Variants in SLC30A9 observed in about 807,000 individuals in gnomAD.
The protein encoded by SLC30A9 is solute carrier family 30 member 9, also known as proton-coupled zinc antiporter SLC30A9, mitochondrial.
SLC30A9 carries 58 observed loss-of-function variants against 87.5 expected under a neutral mutation model. That is an observed-to-expected ratio of 0.66 (90% CI 0.54 to 0.82). The LOEUF (loss-of-function observed/expected upper bound fraction) is 0.82. SLC30A9 is among the 40% of genes least tolerant of loss of function. The probability of loss-of-function intolerance (pLI) is 0.00; values close to 1 mark genes in which losing one functional copy is unlikely to be tolerated. For missense variants in SLC30A9, 557 were observed against 679.1 expected, an observed-to-expected ratio of 0.82 and a Z score of 2.00; for synonymous variants, 234 against 233.0, an observed-to-expected ratio of 1.00 and a Z score of -0.04.
At chr4:42,060,495 T>A (rs1359890376) in intron 10 of SLC30A9, among the ~76,000 whole-genome samples, 1 of 152,190 alleles carries the variant, frequency 6.6e-6, no homozygotes, top group African/African-American at 2.4e-5. Context: ...TTCTCCATAT[T>A]TGATAATAAT....
intron 14 of SLC30A9, among the ~76,000 whole-genome samples, chr4:42,068,505 A>G (rs2153140408): frequency 6.6e-6 from 1 of 151,982 alleles, no homozygotes; most frequent in South Asian, 2.1e-4. Context: ...TTGGCCTCCC[A>G]AAGTGCTGGG....
chr4:42,033,078 T>A (rs1716515769), intron 6 of SLC30A9, among the ~76,000 whole-genome samples: 1 of 152,206 alleles, frequency 6.6e-6, no homozygotes, highest in African/African-American at 2.4e-5. Context: ...TTCTGTGTGT[T>A]AAAGTCACTT....
chr4:42,029,369 T>C, intron 6 of SLC30A9: 1 of 595,526 alleles, frequency 1.7e-6, no homozygotes, highest in Non-Finnish European at 3.3e-6. Context: ...ATCGGAATGA[T>C]CCAAGTGGTG....
chr4:42,044,629 C>A (rs1389406973), intron 8 of SLC30A9, among the ~76,000 whole-genome samples: 1 of 152,022 alleles, frequency 6.6e-6, no homozygotes, highest in Admixed American at 6.6e-5. Flanking sequence ...ACACTTTAAC[C>A]CCTCATTGTC....
In SLC30A9 at chr4:42,087,346, G is replaced by A. The variant is rs768288887; in HGVS notation, c.*1220G>A. ...CTTTAAAATGTTCAGGTAGCAGTGA[G>A]CATTGTTCATATGAGAATGGCGGCT... On this transcript the variant is annotated 3_prime_UTR_variant, in exon 18 of 18. Coordinates refer to ENST00000264451, the MANE Select transcript of SLC30A9 (RefSeq NM_006345.4). The A allele has an allele frequency of 9.2e-5, 14 of 152,186 alleles. No individual in the cohort carries two copies. Among genetic ancestry groups the A allele is most frequent in the Non-Finnish European group, 1.8e-4 (12 of 68,034 alleles). The allele number at this position is 152,186 out of a possible 1,614,324, so 9.4% of individuals were successfully genotyped here.
At chr4:42,075,011 G>A (rs1213837595) in intron 15 of SLC30A9, among the ~76,000 whole-genome samples, 1 of 108,682 alleles carries the variant, frequency 9.2e-6, no homozygotes, top group East Asian at 3.1e-4. Context: ...AATTGATTTA[G>A]AGTTAATGAA....
intron 6 of SLC30A9, among the ~76,000 whole-genome samples, chr4:42,033,940 T>A (rs987063984): frequency 1.1e-4 from 16 of 152,354 alleles, no homozygotes; most frequent in Non-Finnish European, 2.2e-4. Flanking sequence ...GAGACATTTC[T>A]TCATTTATTT....
intron 7 of SLC30A9, 112 bp downstream of exon 7, chr4:42,035,445 G>C: frequency 8.6e-7 from 1 of 1,160,202 alleles, no homozygotes; most frequent in South Asian, 1.5e-5. Flanking sequence ...ATTTTCTTGA[G>C]TACATTGTAG....
At chr4:42,081,541 G>A (rs1043677591) in intron 17 of SLC30A9, among the ~76,000 whole-genome samples, 1 of 152,146 alleles carries the variant, frequency 6.6e-6, no homozygotes, top group Non-Finnish European at 1.5e-5. Flanking sequence ...TCCTTGAACC[G>A]CACTTTGCAA....
intron 1 of SLC30A9, among the ~76,000 whole-genome samples, chr4:41,995,605 T>C (rs1362187177): frequency 2.0e-5 from 3 of 152,172 alleles, no homozygotes; most frequent in Non-Finnish European, 4.4e-5. Context: ...AGGTAATGAC[T>C]GAGCCTAGGC....
intron 10 of SLC30A9, among the ~76,000 whole-genome samples, chr4:42,061,487 A>T (rs1167331111): frequency 6.6e-6 from 1 of 152,214 alleles, no homozygotes; most frequent in African/African-American, 2.4e-5. Context: ...TTACTTTAGA[A>T]GAAAGTAAAT....
At chr4:42,037,239 C>CTTTTTTTTTTTTT (rs536795831) in intron 7 of SLC30A9, among the ~76,000 whole-genome samples, 6 of 91,194 alleles carry the variant, frequency 6.6e-5, no homozygotes, top group African/African-American at 1.1e-4. Flanking sequence ...TAAATGCCTT[C>CTTTTTTTTTTTTT]TTTTTTTTTT....
chr4:42,072,811 C>T (rs1238383859), intron 15 of SLC30A9, among the ~76,000 whole-genome samples: 2 of 110,016 alleles, frequency 1.8e-5, no homozygotes, highest in African/African-American at 5.5e-5. Context: ...ATTGTTCTAT[C>T]CTTTTTTTTT....
chr4:42,031,172 A>G (rs183070983), intron 6 of SLC30A9, among the ~76,000 whole-genome samples: 1 of 152,306 alleles, frequency 6.6e-6, no homozygotes, highest in Non-Finnish European at 1.5e-5. Context: ...TACTATGCAA[A>G]GTCCATGTTC....
intron 9 of SLC30A9, among the ~76,000 whole-genome samples, chr4:42,057,383 T>A (rs1369739013): frequency 6.6e-6 from 1 of 152,178 alleles, no homozygotes; most frequent in Admixed American, 6.5e-5. Flanking sequence ...TTTCCAAACC[T>A]CAGTTCTTGA....
rs762127153 is a variant in SLC30A9, at chr4:42,018,092, C to T, written c.275-19C>T. 9 of 1,420,590 alleles carry T rather than the reference C, an allele frequency of 6.3e-6. No homozygotes were observed. In the South Asian group the frequency reaches 1.1e-4, roughly 17 times the overall value. 88.0% of individuals were successfully genotyped at this position (1,420,590 alleles called of 1,614,324 possible). Reference sequence around the variant, plus strand: ...GAAAGCAGTTGTTTAATGTAAACTTCTTTTAATAAACTTTACAGCAGAAGG... The same window carrying T: ...GAAAGCAGTTGTTTAATGTAAACTTTTTTTAATAAACTTTACAGCAGAAGG... On this transcript the variant is annotated intron_variant, in intron 2 of 17. Transcript: ENST00000264451.
intron 3 of SLC30A9, among the ~76,000 whole-genome samples, chr4:42,019,392 C>T (rs994678415): frequency 1.3e-5 from 2 of 152,126 alleles, no homozygotes; most frequent in Non-Finnish European, 2.9e-5. Flanking sequence ...ATAATTGATG[C>T]CAAATTGGTA....
At chr4:42,014,487 G>A (rs1715610249) in intron 2 of SLC30A9, among the ~76,000 whole-genome samples, 1 of 151,930 alleles carries the variant, frequency 6.6e-6, no homozygotes, top group African/African-American at 2.4e-5. Flanking sequence ...AACCCAGGAG[G>A]CGGAGGTTGC....
At chr4:42,071,450 AT>A (rs1376036681) in intron 15 of SLC30A9, among the ~76,000 whole-genome samples, 2 of 152,184 alleles carry the variant, frequency 1.3e-5, no homozygotes, top group Non-Finnish European at 2.9e-5. Context: ...CTAGATTTAT[AT>A]TCTATGCCCT....
Sources: allele counts gnomAD v4.1 joint callset (sites outside exome capture counted in the v4.1 genomes callset), GRCh38; gene constraint gnomAD v4.1.1; transcripts MANE v1.5; gene names NCBI Gene and HGNC (gene_info 2026-07-23, HGNC 2026-07-21).